The following ADAMTSL1 variants were observed in gnomAD, a reference collection of about 807,000 sequenced individuals.
The protein encoded by ADAMTSL1 is ADAMTS-like protein 1.
ADAMTSL1 carries 126 observed loss-of-function variants against 201.8 expected under a neutral mutation model. The ratio of observed to expected loss-of-function variants is 0.62; its 90% CI spans 0.54 to 0.72. The LOEUF is 0.72. Among genes scored for constraint, ADAMTSL1 ranks in the 30% least tolerant of loss-of-function variants. ADAMTSL1 has a pLI of 0.00. For missense variants in ADAMTSL1, 2,679 were observed against 2,277.8 expected (o/e 1.18, Z -3.59); for synonymous variants, 1,121 against 903.4 (o/e 1.24, Z -4.32).
intron 1 of ADAMTSL1, among the ~76,000 whole-genome samples, chr9:18,021,693 G>T (rs1205450713): frequency 1.3e-5 from 2 of 152,134 alleles, no homozygotes; most frequent in Admixed American, 6.6e-5. Flanking sequence ...AAAGGAGATA[G>T]ATATCTCTTA....
intron 2 of ADAMTSL1, among the ~76,000 whole-genome samples, chr9:18,371,411 G>A (rs1837035410): frequency 6.6e-6 from 1 of 152,060 alleles, no homozygotes; most frequent in Non-Finnish European, 1.5e-5. Flanking sequence ...TGCATATATT[G>A]CCAAACCTTA....
chr9:18,139,067 T>A (rs1826283359), intron 1 of ADAMTSL1, among the ~76,000 whole-genome samples: 1 of 152,118 alleles, frequency 6.6e-6, no homozygotes, highest in Admixed American at 6.6e-5. Context: ...TGATAAAGGG[T>A]AGAATGAGAT....
At chr9:17,975,670 C>T (rs1290895760) in intron 1 of ADAMTSL1, among the ~76,000 whole-genome samples, 1 of 152,034 alleles carries the variant, frequency 6.6e-6, no homozygotes, top group Non-Finnish European at 1.5e-5. Flanking sequence ...AGGTCTTCCA[C>T]TCTGTAGGCC....
chr9:18,392,506 A>C (rs1417072131), intron 2 of ADAMTSL1, among the ~76,000 whole-genome samples: 1 of 152,178 alleles, frequency 6.6e-6, no homozygotes, highest in Admixed American at 6.5e-5. Flanking sequence ...CCTGCTACTG[A>C]CAACAGTTTT....
At chr9:18,752,779 C>T (rs118038657) in intron 15 of ADAMTSL1, among the ~76,000 whole-genome samples, 7 of 152,320 alleles carry the variant, frequency 4.6e-5, no homozygotes, top group East Asian at 3.9e-4. Context: ...GATGTTTAAA[C>T]GTAAGACAGA....
chr9:17,946,968 T>C (rs1482461361), intron 1 of ADAMTSL1, among the ~76,000 whole-genome samples: 1 of 152,048 alleles, frequency 6.6e-6, no homozygotes, highest in Non-Finnish European at 1.5e-5. Context: ...GACACTAGGG[T>C]TGATTTACAA....
At chr9:17,967,441 A>C (rs1214657215) in intron 1 of ADAMTSL1, among the ~76,000 whole-genome samples, 4 of 152,122 alleles carry the variant, frequency 2.6e-5, no homozygotes, top group Non-Finnish European at 5.9e-5. Flanking sequence ...AAAGATGGGT[A>C]ACTATAGTAA....
chr9:18,688,689 A>AAAAATATATATATATATAT (rs1554730404), intron 13 of ADAMTSL1, among the ~76,000 whole-genome samples: 1 of 8,650 alleles, frequency 1.2e-4, no homozygotes, highest in Non-Finnish European at 2.2e-4. Context: ...AAAAAAAAAA[A>AAAAATATATATATATATAT]ATATATATAT....
At chr9:18,512,532 T>C (rs926046921) in intron 2 of ADAMTSL1, among the ~76,000 whole-genome samples, 2 of 152,176 alleles carry the variant, frequency 1.3e-5, no homozygotes, top group South Asian at 2.1e-4. Flanking sequence ...TAAATATTTA[T>C]TGAATACCTA....
chr9:18,504,972 G>T lies in ADAMTSL1; in HGVS notation c.191+16G>T, dbSNP rs370844113. 8.2e-6 allele frequency: 13 copies of T among 1,594,766 alleles called. No homozygotes were observed. The highest frequency in any genetic ancestry group is 6.8e-5 in the African/African-American group (5 of 73,860). On this transcript the variant is annotated intron_variant, in intron 2 of 28. Coordinates refer to ENST00000380548, the MANE Select transcript of ADAMTSL1 (RefSeq NM_001040272.6). ...TGAGCAGCAAGTAAGTCCTGCACCCGTTGGGGGTCTTTGTGAGAACCAGAG... is the reference window on the plus strand; with the variant it reads ...TGAGCAGCAAGTAAGTCCTGCACCCTTTGGGGGTCTTTGTGAGAACCAGAG...
chr9:18,376,165 CT>C (rs2133155488), intron 2 of ADAMTSL1, among the ~76,000 whole-genome samples: 1 of 152,304 alleles, frequency 6.6e-6, no homozygotes, highest in African/African-American at 2.4e-5. Context: ...TCCTTTTGCT[CT>C]CATTTCCCAA....
At chr9:18,880,448 A>C (rs1036701762) in intron 23 of ADAMTSL1, among the ~76,000 whole-genome samples, 2 of 152,220 alleles carry the variant, frequency 1.3e-5, no homozygotes, top group Non-Finnish European at 2.9e-5. Flanking sequence ...TGTTCGCAGA[A>C]ATGAAAATAA....
At chr9:18,883,872 G>C (rs1828694359) in intron 23 of ADAMTSL1, among the ~76,000 whole-genome samples, 1 of 152,142 alleles carries the variant, frequency 6.6e-6, no homozygotes, top group African/African-American at 2.4e-5. Context: ...ATGCTGCTAT[G>C]AACATAGGTG....
intron 1 of ADAMTSL1, among the ~76,000 whole-genome samples, chr9:17,937,647 T>TCAAAGTA (rs1554667074): frequency 1.1e-4 from 17 of 151,574 alleles, no homozygotes; most frequent in African/African-American, 3.6e-4. Context: ...TTAAATTCCT[T>TCAAAGTA]AAATACTAAG....
chr9:17,917,264 C>G (rs1826130686), intron 1 of ADAMTSL1, among the ~76,000 whole-genome samples: 1 of 152,036 alleles, frequency 6.6e-6, no homozygotes, highest in African/African-American at 2.4e-5. Context: ...TATTATGACA[C>G]TACCTTCGAA....
chr9:18,560,391 G>T (rs985705662), intron 3 of ADAMTSL1, among the ~76,000 whole-genome samples: 1 of 152,142 alleles, frequency 6.6e-6, no homozygotes, highest in Non-Finnish European at 1.5e-5. Flanking sequence ...TTTTTGATGT[G>T]CTACTGGATT....
intron 1 of ADAMTSL1, among the ~76,000 whole-genome samples, chr9:17,931,470 C>T (rs998492571): frequency 2.6e-5 from 4 of 152,074 alleles, no homozygotes; most frequent in East Asian, 3.9e-4. Context: ...TGGGAGGAGA[C>T]GGCATTTAGA....
At chr9:18,015,712 A>C (rs923048863) in intron 1 of ADAMTSL1, among the ~76,000 whole-genome samples, 18 of 152,002 alleles carry the variant, frequency 1.2e-4, no homozygotes, top group Admixed American at 3.3e-4. Context: ...CCTGACCCTA[A>C]GCTTCTTCCC....
chr9:18,155,486 C>T (rs1827112656), intron 1 of ADAMTSL1, among the ~76,000 whole-genome samples: 1 of 152,054 alleles, frequency 6.6e-6, no homozygotes, highest in Non-Finnish European at 1.5e-5. Context: ...CCATGGGCCT[C>T]ATGTGGTCCC....
Sources: allele counts gnomAD v4.1 joint callset (sites outside exome capture counted in the v4.1 genomes callset), GRCh38; gene constraint gnomAD v4.1.1; transcripts MANE v1.5; gene names NCBI Gene and HGNC (gene_info 2026-07-23, HGNC 2026-07-21).